The following BCAN variants were observed in gnomAD, a reference collection of about 807,000 sequenced individuals.
BCAN encodes the protein brevican core protein.
BCAN carries 51 observed loss-of-function variants against 92.4 expected under a neutral mutation model. The ratio of observed to expected loss-of-function variants is 0.55; its 90% confidence interval spans 0.44 to 0.70. BCAN has a LOEUF of 0.70. Ranked by LOEUF, BCAN falls within the 30% of genes least tolerant of loss-of-function variation. The pLI is 0.00. For synonymous variants in BCAN, 501 were observed against 505.2 expected, an observed-to-expected ratio of 0.99 and a Z score of 0.11; for missense variants, 1,140 against 1,212.1, an observed-to-expected ratio of 0.94 and a Z score of 0.88.
intron 10 of BCAN, 62 bp from the exon 11 acceptor site, chr1:156,657,613 G>A: frequency 7.0e-7 from 1 of 1,433,828 alleles, no homozygotes; most frequent in Admixed American, 2.1e-5. Context: ...AGACCGCCCG[G>A]GAGCGGGGAA....
chr1:156,646,990 G>A lies in BCAN; in HGVS notation c.281G>A (p.Arg94Gln), dbSNP rs1679003359. The part of the protein sequence containing the change: ...RGREAEVLVA[R>Q]GVRVKVNEAY... ...CGGGAGGCAGAGGTGCTGGTGGCGC[G>A]GGGAGTGCGCGTCAAGGTGAACGAG... Residue 94 changes from arginine to glutamine, a missense_variant, in exon 3 of 14, where the codon CGG becomes CAG. Coordinates refer to ENST00000329117, the MANE Select transcript of BCAN (RefSeq NM_021948.5). 1.2e-6 allele frequency: 2 copies of A among 1,612,782 alleles called. No individual in the cohort carries two copies. Among genetic ancestry groups the A allele is most frequent in the Admixed American group, 1.7e-5 (1 of 59,938 alleles).
rs769238669 is a variant in BCAN, at chr1:156,646,647, A to AGGGCCCT, written c.92-152_92-151insGCCCTGG. ...CTGGAGGACCTAGAGGTAGGGCTGCAGGACCCTGGCCCCTGGCCCCTGGCC... is the reference window on the plus strand; with the variant it reads ...CTGGAGGACCTAGAGGTAGGGCTGCAGGGCCCTGGACCCTGGCCCCTGGCCCCTGGCC... On this transcript the variant is annotated intron_variant, in intron 2 of 13. Coordinates refer to ENST00000329117, the MANE Select transcript of BCAN (RefSeq NM_021948.5). 4,015 of 1,181,088 alleles carry AGGGCCCT rather than the reference A, an allele frequency of 3.4e-3. 13 individuals are homozygous for AGGGCCCT. Among genetic ancestry groups the AGGGCCCT allele is most frequent in the Non-Finnish European group, 3.9e-3 (3,501 of 890,358 alleles). 73.2% of individuals were successfully genotyped at this position (1,181,088 alleles called of 1,614,324 possible).
chr1:156,659,257 G>A lies in BCAN; in HGVS notation c.*123G>A. Reference sequence around the variant, plus strand: ...GACGAGGGGTGGTACTGGAGTCCAGGTGACAGTTCCTGAAGGGGCTTCTGG... The same window carrying A: ...GACGAGGGGTGGTACTGGAGTCCAGATGACAGTTCCTGAAGGGGCTTCTGG... On this transcript the variant is annotated 3_prime_UTR_variant, in exon 14 of 14. Transcript: ENST00000329117. 1.3e-6 allele frequency: 1 copy of A among 742,528 alleles called. No homozygotes were observed. The highest frequency in any genetic ancestry group is 2.1e-6 in the Non-Finnish European group (1 of 474,552). The allele number at this position is 742,528 out of a possible 1,614,324, so 46.0% of individuals were successfully genotyped here.
rs1169435408 is a variant in BCAN, at chr1:156,650,851, G to A, written c.1064-605G>A. ...CCAGCTACTTGGGAGGCTGAGACGGGAGAACCGCTTGAATCCAGGAGGCGA... is the reference window on the plus strand; with the variant it reads ...CCAGCTACTTGGGAGGCTGAGACGGAAGAACCGCTTGAATCCAGGAGGCGA... On this transcript the variant is annotated intron_variant, in intron 6 of 13. Transcript: ENST00000329117. 2.0e-5 allele frequency among the ~76,000 whole-genome samples: 3 copies of A among 152,364 alleles called. 1 individual carries two copies.
Position 156,657,700 on chromosome 1 carries a change from C to T in BCAN, c.2235C>T (p.Ile745=), listed in dbSNP as rs964445532. The T allele has an allele frequency of 1.2e-6, 2 of 1,612,344 alleles. No homozygotes were observed. The highest frequency in any genetic ancestry group is 1.3e-5 in the African/African-American group (1 of 74,888). ...INNRYREYQW[I]GLNDRTIEGD... is the part of the protein sequence containing the mutation. ...ACCGGTACCGGGAGTACCAGTGGAT[C>T]GGACTCAACGACAGGACCATCGAAG... The change falls in exon 11 of 14, where the codon ATC becomes ATT. Residue 745 remains isoleucine (I), a synonymous_variant. Transcript: ENST00000329117.
chr1:156,659,079 TG>T lies in BCAN; in HGVS notation c.2684del (p.Gly895AspfsTer7). The T allele has an allele frequency of 6.3e-7, 1 of 1,599,562 alleles. No individual in the cohort carries two copies. Among genetic ancestry groups the T allele is most frequent in the Non-Finnish European group, 8.5e-7 (1 of 1,174,610 alleles). The part of the protein sequence containing the change: ...EDPEGRQGRL[L>X]GRWKALLIPP... ...CCAGAAGGACGTCAGGGGAGGCTAC[TG>T]GGACGCTGGAAGGCGCTGTTGATCC... On this transcript the variant is annotated frameshift_variant, in exon 14 of 14. Transcript: ENST00000329117. LOFTEE classifies it low-confidence loss of function (END_TRUNC).
Position 156,658,788 on chromosome 1 carries a change from T to G in BCAN, c.2628+55T>G, listed in dbSNP as rs190076656. 3 of 1,603,796 alleles carry G rather than the reference T, an allele frequency of 1.9e-6. No homozygotes were observed. Among genetic ancestry groups the G allele is most frequent in the African/African-American group, 1.3e-5 (1 of 74,850 alleles). On this transcript the variant is annotated intron_variant, in intron 13 of 13. Transcript: ENST00000329117. This position sits in a 1 kb window ranked among gnomAD's most constrained non-coding sequence, Gnocchi z 4.4. Reference sequence around the variant, plus strand: ...GGGAGACAGTAGCCAACAGTAGCCTTGGACTCCACTTAAAGTCCTGCCTGT... The same window carrying G: ...GGGAGACAGTAGCCAACAGTAGCCTGGGACTCCACTTAAAGTCCTGCCTGT...
chr1:156,647,703 G>T lies in BCAN; in HGVS notation c.641+21G>T, dbSNP rs1679030903. On this transcript the variant is annotated intron_variant, in intron 4 of 13. Coordinates refer to ENST00000329117, the MANE Select transcript of BCAN (RefSeq NM_021948.5). This position sits in a 1 kb window ranked among gnomAD's most constrained non-coding sequence, Gnocchi z 4.8. ...GTGAGGTGGGCAGGGGCTGTGGATT[G>T]GGGCTTCTATTGGCCCCTGAGGTGG... 1 of 1,567,846 alleles carries T rather than the reference G, an allele frequency of 6.4e-7. No individual in the cohort carries two copies. Among genetic ancestry groups the T allele is most frequent in the South Asian group, 1.2e-5 (1 of 84,434 alleles).
Position 156,656,283 on chromosome 1 carries a change from T to C in BCAN, c.1944T>C (p.Gly648=), listed in dbSNP as rs775360020. ...RGGVAVVPAS[G]DCVPSPCHNG... ...GCCTCACTTCTTTCCCCCTCTCAGG[T>C]GACTGTGTCCCCAGCCCCTGCCACA... Residue 648 remains glycine, a splice_region_variant and synonymous_variant, in exon 9 of 14, where the codon GGT becomes GGC. Transcript: ENST00000329117. 4 of 1,468,368 alleles carry C rather than the reference T, an allele frequency of 2.7e-6. No individual in the cohort carries two copies. Among genetic ancestry groups the C allele is most frequent in the Non-Finnish European group, 3.6e-6 (4 of 1,119,762 alleles). 91.0% of individuals were successfully genotyped at this position (1,468,368 alleles called of 1,614,324 possible). A position where few individuals can be genotyped will look rare whatever the true frequency, so the allele number is the denominator to read the frequency against.
rs182827896 is a variant in BCAN at position 156,658,116 on chromosome 1, C to G, written c.2293-11C>G. 9.3e-6 allele frequency: 15 copies of G among 1,612,598 alleles called. No individual in the cohort carries two copies. Among genetic ancestry groups the G allele is most frequent in the Non-Finnish European group, 1.3e-5 (15 of 1,179,144 alleles). On this transcript the variant is annotated splice_polypyrimidine_tract_variant and intron_variant, in intron 11 of 13. Coordinates refer to ENST00000329117, the MANE Select transcript of BCAN (RefSeq NM_021948.5). The surrounding 1 kb of genome is among the most constrained non-coding windows in gnomAD (Gnocchi z 4.4). The stretch of plus-strand genomic sequence containing the variant: ...TGTAGGAGCTCCTCACCACCTCCTC[C>G]GTTCCCCCAGCTCTATGAGAACTGG...
intron 7 of BCAN, 102 bp downstream of exon 7, chr1:156,651,791 G>A (rs749792099): frequency 2.8e-6 from 3 of 1,072,004 alleles, no homozygotes; most frequent in South Asian, 1.5e-5. Context: ...ACATGACTCT[G>A]CCCTGTCCTT....
intron 6 of BCAN, chr1:156,649,843 G>T: frequency 1.9e-6 from 1 of 518,470 alleles, no homozygotes; most frequent in South Asian, 1.4e-5. Context: ...TTTTAAGCCT[G>T]AAATACTGTT....
chr1:156,644,285 G>A (rs1033144618), intron 1 of BCAN: 1 of 152,214 alleles, frequency 6.6e-6, no homozygotes, highest in African/African-American at 2.4e-5. Context: ...TGGGTCTCTG[G>A]GCTGCCCGTC....
intron 2 of BCAN, 148 bp from the exon 3 acceptor site, chr1:156,646,647 AGGACCC>A: frequency 8.5e-7 from 1 of 1,181,138 alleles, no homozygotes; most frequent in South Asian, 1.8e-5. Flanking sequence ...GTAGGGCTGC[AGGACCC>A]TGGCCCCTGG....
At chr1:156,654,290 T>G (rs1308802473) in intron 8 of BCAN, among the ~76,000 whole-genome samples, 1 of 152,152 alleles carries the variant, frequency 6.6e-6, no homozygotes, top group Non-Finnish European at 1.5e-5. Flanking sequence ...CCATGTTAGA[T>G]GGATCACATC....
chr1:156,647,582 C>A lies in BCAN; in HGVS notation c.541C>A (p.Arg181Ser). ...TTCTGGGGCCCAGGAGGCCTGTGCC[C>A]GCATTGGAGCCCACATCGCCACCCC... ...SFSGAQEACARIGAHIATPEQ... is the reference protein window; with the variant it reads ...SFSGAQEACASIGAHIATPEQ... Residue 181 changes from arginine (R) to serine (S), a missense_variant, in exon 4 of 14, where the codon CGC becomes AGC. Transcript: ENST00000329117. This position sits in a 1 kb window ranked among gnomAD's most constrained non-coding sequence, Gnocchi z 4.8. 6.2e-7 allele frequency: 1 copy of A among 1,612,970 alleles called. No individual in the cohort carries two copies. Among genetic ancestry groups the A allele is most frequent in the Non-Finnish European group, 8.5e-7 (1 of 1,179,618 alleles).
chr1:156,649,668 G>T (rs767213499), intron 6 of BCAN, among the ~76,000 whole-genome samples: 4 of 152,230 alleles, frequency 2.6e-5, no homozygotes, highest in Admixed American at 6.5e-5. Context: ...CTCCCGAAGT[G>T]CTGGGATTTA....
At chr1:156,657,307 C>A in intron 10 of BCAN, 2 of 757,198 alleles carry the variant, frequency 2.6e-6, no homozygotes, top group Non-Finnish European at 4.1e-6. Context: ...AGTGGAGGTT[C>A]GCGCAGTAGA....
chr1:156,647,627 T>A lies in BCAN; in HGVS notation c.586T>A (p.Tyr196Asn). 1 of 1,612,344 alleles carries A rather than the reference T, an allele frequency of 6.2e-7. No individual in the cohort carries two copies. ...IATPEQLYAA[Y>N]LGGYEQCDAG... ...CACCCCGGAGCAGCTCTATGCCGCC[T>A]ACCTTGGGGGCTATGAGCAATGTGA... The change falls in exon 4 of 14, where the codon TAC (tyrosine) becomes AAC (asparagine). Residue 196 changes from tyrosine (Y) to asparagine (N), a missense_variant. Around this residue, in one of 3 missense-constraint regions of BCAN, gnomAD observed 286 missense variants for 284.1 expected, o/e 1.01. Transcript: ENST00000329117. This position sits in a 1 kb window ranked among gnomAD's most constrained non-coding sequence, Gnocchi z 4.8.
Sources: allele counts gnomAD v4.1 joint callset (sites outside exome capture counted in the v4.1 genomes callset), GRCh38; gene constraint gnomAD v4.1.1; regional missense constraint gnomAD v4.1.1; non-coding constraint Gnocchi (gnomAD v3.1); transcripts MANE v1.5; gene names NCBI Gene and HGNC (gene_info 2026-07-23, HGNC 2026-07-21).